Variants in SEMA4D observed in about 807,000 individuals in gnomAD.
The protein encoded by SEMA4D is semaphorin 4D.
In SEMA4D, 22 loss-of-function variants were observed where a neutral mutation model predicts 74.8. The observed-to-expected ratio is 0.29, with a 90% confidence interval of 0.21 to 0.42. The LOEUF is 0.42. Among genes scored for constraint, SEMA4D ranks in the 10% least tolerant of loss-of-function variants. The pLI, the probability that SEMA4D is intolerant of heterozygous loss-of-function variation, is 1.00. For synonymous variants in SEMA4D, 445 were observed against 463.7 expected, an observed-to-expected ratio of 0.96 and a Z score of 0.52; for missense variants, 937 against 1,118.4, an observed-to-expected ratio of 0.84 and a Z score of 2.31.
At chr9:89,362,161 T>C in exon 19 of SEMA4D, 1 of 608,788 alleles carries the variant, frequency 1.6e-6, no homozygotes, top group Non-Finnish European at 2.9e-6. Context: ...GAACTTACTG[T>C]CCCAGGTAAG....
intron 5 of SEMA4D, among the ~76,000 whole-genome samples, chr9:89,397,330 T>G (rs1841203160): frequency 6.6e-6 from 1 of 152,326 alleles, no homozygotes; most frequent in South Asian, 2.1e-4. Flanking sequence ...CCTGGAGAAG[T>G]GTCCACCCTA....
At chr9:89,417,397 C>T (rs1307708703) in intron 2 of SEMA4D, among the ~76,000 whole-genome samples, 1 of 152,190 alleles carries the variant, frequency 6.6e-6, no homozygotes, top group Non-Finnish European at 1.5e-5. Context: ...GCTCTCATCA[C>T]GGTCCCATGC....
downstream of SEMA4D, among the ~76,000 whole-genome samples, chr9:89,373,341 A>G (rs1172219773): frequency 6.6e-6 from 1 of 152,180 alleles, no homozygotes; most frequent in Non-Finnish European, 1.5e-5. Context: ...TGGATGGCCA[A>G]GTCCCTGGGG....
At chr9:89,477,469 G>C (rs1019496649) in intron 1 of SEMA4D, among the ~76,000 whole-genome samples, 3 of 152,190 alleles carry the variant, frequency 2.0e-5, no homozygotes, top group African/African-American at 7.2e-5. Flanking sequence ...GCAGACTGGA[G>C]AGACCTCCAC....
intron 13 of SEMA4D, chr9:89,385,872 C>A: frequency 6.4e-6 from 1 of 155,876 alleles, no homozygotes; most frequent in Non-Finnish European, 1.3e-5. Flanking sequence ...GGATGCCCGC[C>A]CACCCACCCC....
rs112526083 is a variant in SEMA4D, at chr9:89,380,962, A to C, written c.1663+93T>G. The C allele has an allele frequency of 3.4e-6, 5 of 1,470,498 alleles. No homozygotes were observed. In the African/African-American group the frequency reaches 4.2e-5, roughly 12 times the overall value. 91.1% of individuals were successfully genotyped at this position (1,470,498 alleles called of 1,614,324 possible). ...GTTCCGAGTGGAGAAAGAAAAACAA[A>C]ACACACACAAATGCCACAGAACTGA... On this transcript the variant is annotated intron_variant, in intron 15 of 15. Coordinates refer to ENST00000422704, the MANE Select transcript of SEMA4D (RefSeq NM_001371194.2).
chr9:89,479,049 T>C (rs554761737), intron 1 of SEMA4D, among the ~76,000 whole-genome samples: 1 of 152,026 alleles, frequency 6.6e-6, no homozygotes, highest in Non-Finnish European at 1.5e-5. Context: ...GGGCCCTGAG[T>C]GGAGGGGACT....
chr9:89,428,595 CGGAGCCTGCTCAAGGTCAT>C (rs1165324987), intron 2 of SEMA4D, among the ~76,000 whole-genome samples: 2 of 16,336 alleles, frequency 1.2e-4, no homozygotes, highest in East Asian at 9.7e-4. Flanking sequence ...CTCAAGGTCA[CGGAGCCTGCTCAAGGTCAT>C]GCAGCGCAGG....
At chr9:89,481,050 C>T (rs375262421) in intron 1 of SEMA4D, among the ~76,000 whole-genome samples, 181 of 152,366 alleles carry the variant, frequency 1.2e-3, no homozygotes, top group African/African-American at 4.0e-3. Flanking sequence ...CCTCCAACCC[C>T]CAACCTCTCA....
At chr9:89,437,601 C>CG (rs141545079) in intron 2 of SEMA4D, among the ~76,000 whole-genome samples, 2,667 of 152,298 alleles carry the variant, frequency 0.018, 75 homozygotes, top group African/African-American at 0.061. Context: ...CTCAGTGACA[C>CG]GGGCACCTGC....
At chr9:89,457,033 C>A (rs901954481) in intron 1 of SEMA4D, among the ~76,000 whole-genome samples, 2 of 152,228 alleles carry the variant, frequency 1.3e-5, no homozygotes, top group Non-Finnish European at 2.9e-5. Flanking sequence ...GTGAGCATCG[C>A]AAAGTCCCCT....
chr9:89,392,287 G>T, intron 8 of SEMA4D, 136 bp downstream of exon 8: 2 of 621,060 alleles, frequency 3.2e-6, no homozygotes, highest in South Asian at 2.0e-5. Flanking sequence ...GGACAGTTTG[G>T]GAAGTATCCC....
rs1587731838 is a variant in SEMA4D at position 89,417,994 on chromosome 9, G to A, written c.-243-12295C>T. The A allele has an allele frequency of 6.1e-6, 4 of 657,950 alleles. No homozygotes were observed. In the South Asian group the frequency reaches 2.7e-4, roughly 44 times the overall value. The allele number at this position is 657,950 out of a possible 1,614,324, so 40.8% of individuals were successfully genotyped here. A position where few individuals can be genotyped will look rare whatever the true frequency, so the allele number is the denominator to read the frequency against. On this transcript the variant is annotated intron_variant, in intron 2 of 15. Transcript: ENST00000422704. ...CAACCACCTGCCAGATCCAACTGAG[G>A]CCTCTACACATTATCAACTCTGCTC...
At position 89,484,082 on chromosome 9, in the gene SEMA4D, C is replaced by A. The variant is rs7852469; in HGVS notation, c.-310+13837G>T. Among the ~76,000 whole-genome samples the A allele has an allele frequency of 4.5e-3, 692 of 152,376 alleles. 5 individuals are homozygous for A. Among genetic ancestry groups the A allele is most frequent in the African/African-American group, 0.016 (655 of 41,584 alleles). ...GGGCCCCACTGAGGCTGCGCACAAG[C>A]TGGCAGGCACAGAAGGGCTTCCGGG... On this transcript the variant is annotated intron_variant, in intron 1 of 15. Transcript: ENST00000422704. The surrounding 1 kb of genome is among the most constrained non-coding windows in gnomAD (Gnocchi z 4.1).
intron 4 of SEMA4D, among the ~76,000 whole-genome samples, chr9:89,402,255 G>A (rs79402077): frequency 0.051 from 7,816 of 152,248 alleles, 503 homozygotes; most frequent in East Asian, 0.32. Context: ...GGGATGGGCT[G>A]TGCAGAGTAG....
intron 13 of SEMA4D, chr9:89,384,695 A>T: frequency 1.0e-6 from 1 of 985,400 alleles, no homozygotes; most frequent in East Asian, 1.1e-4. Flanking sequence ...TCATCAGGGG[A>T]GAGGAGGTGA....
At chr9:89,367,608 G>A (rs1160547525) in intron 16 of SEMA4D, 2 of 152,262 alleles carry the variant, frequency 1.3e-5, no homozygotes, top group Non-Finnish European at 2.9e-5. Context: ...GGCTTACAAG[G>A]ATCTAGGGTA....
chr9:89,433,864 C>T (rs992232418), intron 2 of SEMA4D, among the ~76,000 whole-genome samples: 24 of 152,312 alleles, frequency 1.6e-4, no homozygotes, highest in East Asian at 1.5e-3. Flanking sequence ...CCAGTAGCTC[C>T]GCACTAAGTG....
intron 1 of SEMA4D, among the ~76,000 whole-genome samples, chr9:89,459,961 C>A (rs891229318): frequency 6.6e-6 from 1 of 152,216 alleles, no homozygotes; most frequent in African/African-American, 2.4e-5. Context: ...AAATCCCCTG[C>A]CCTCTGCGTT....
Sources: allele counts gnomAD v4.1 joint callset (sites outside exome capture counted in the v4.1 genomes callset), GRCh38; gene constraint gnomAD v4.1.1; non-coding constraint Gnocchi (gnomAD v3.1); transcripts MANE v1.5; gene names NCBI Gene and HGNC (gene_info 2026-07-23, HGNC 2026-07-21).